Variants in NGLY1 observed in about 807,000 individuals in gnomAD.
NGLY1 encodes the protein N-glycanase 1.
Under a neutral mutation model 84.6 loss-of-function variants are expected in NGLY1, and 68 were observed. The observed-to-expected ratio is 0.80, with a 90% CI of 0.66 to 0.98. The LOEUF is 0.98. Ranked by LOEUF, NGLY1 falls within the 50% of genes least tolerant of loss-of-function variation. The probability of loss-of-function intolerance (pLI) is 0.00; values close to 1 mark genes in which losing one functional copy is unlikely to be tolerated. For synonymous variants in NGLY1, 280 were observed against 275.2 expected, an observed-to-expected ratio of 1.02 and a Z score of -0.17; for missense variants, 779 against 770.2, an observed-to-expected ratio of 1.01 and a Z score of -0.14.
In NGLY1 at chr3:25,750,029, C is replaced by T. The variant is rs1259532768; in HGVS notation, c.658+1069G>A. On this transcript the variant is annotated intron_variant, in intron 4 of 11. Transcript: ENST00000280700. ...GTTCTTATGCTGCTATGATGAAATA[C>T]CTGCAACTGGGTAATTTATAAAGAA... 4 of 503,078 alleles carry T rather than the reference C, an allele frequency of 8.0e-6. No homozygotes were observed. The East Asian group carries it at 1.6e-4, about 20-fold the overall frequency. The allele number at this position is 503,078 out of a possible 1,614,324, so 31.2% of individuals were successfully genotyped here.
chr3:25,764,939 AAAAG>A (rs1352059563), intron 2 of NGLY1, among the ~76,000 whole-genome samples: 1 of 152,226 alleles, frequency 6.6e-6, no homozygotes, highest in Non-Finnish European at 1.5e-5. Flanking sequence ...CGAACAAAAC[AAAAG>A]AAATAAAAAT....
chr3:25,754,992 C>T (rs913514431), intron 3 of NGLY1: 9 of 823,998 alleles, frequency 1.1e-5, no homozygotes, highest in East Asian at 2.4e-5. Flanking sequence ...GCACAGATCT[C>T]GAAGGATATG....
At chr3:25,748,883 T>C (rs1249394961) in intron 4 of NGLY1, among the ~76,000 whole-genome samples, 1 of 151,880 alleles carries the variant, frequency 6.6e-6, no homozygotes, top group Non-Finnish European at 1.5e-5. Context: ...ATGATTAAAC[T>C]GCAAATGCGT....
chr3:25,720,071 T>A lies in NGLY1; in HGVS notation c.1732A>T (p.Thr578Ser). Residue 578 changes from threonine (T) to serine (S), a missense_variant, in exon 11 of 12, where the codon ACT (threonine) becomes TCT (serine). Coordinates refer to ENST00000280700, the MANE Select transcript of NGLY1 (RefSeq NM_018297.4). ...CGCAATTTCCATTCTACTGTTCCAG[T>A]CTGAAAAGTTTGACTACTTGTTCTA... ...SIRTSSQTFQ[T>S]GTVEWKLRSD... The A allele has an allele frequency of 3.7e-6, 6 of 1,613,934 alleles. No homozygotes were observed. The highest frequency in any genetic ancestry group is 5.1e-6 in the Non-Finnish European group (6 of 1,179,876).
chr3:25,751,173 A>G lies in NGLY1; in HGVS notation c.583T>C (p.Leu195=), dbSNP rs1706727963. 1 of 1,613,714 alleles carries G rather than the reference A, an allele frequency of 6.2e-7. No homozygotes were observed. Among genetic ancestry groups the G allele is most frequent in the African/African-American group, 1.3e-5 (1 of 74,910 alleles). Reference sequence around the variant, plus strand: ...AGTTCTTGGACCGGAATACAAGCCAACGCTTTCTCCTGAAGAGCAGGATTT... The same window carrying G: ...AGTTCTTGGACCGGAATACAAGCCAGCGCTTTCTCCTGAAGAGCAGGATTT... ...YENPALQEKA[L]ACIPVQELKR... Residue 195 remains leucine, a synonymous_variant, in exon 4 of 12, where the codon TTG becomes CTG. Coordinates refer to ENST00000280700, the MANE Select transcript of NGLY1 (RefSeq NM_018297.4).
intron 3 of NGLY1, among the ~76,000 whole-genome samples, chr3:25,756,909 T>C (rs1038475067): frequency 6.6e-6 from 1 of 152,232 alleles, no homozygotes; most frequent in Admixed American, 6.5e-5. Context: ...CTTTCCCAGT[T>C]TTCCTCTTAT....
chr3:25,773,942 G>A (rs564542774), intron 2 of NGLY1, among the ~76,000 whole-genome samples: 9 of 152,218 alleles, frequency 5.9e-5, no homozygotes, highest in South Asian at 2.1e-4. Context: ...ATTAGAGAGT[G>A]TCTGCAAAGA....
At chr3:25,787,552 G>A (rs1277445671), upstream of NGLY1, among the ~76,000 whole-genome samples, 1 of 152,156 alleles carries the variant, frequency 6.6e-6, no homozygotes, top group African/African-American at 2.4e-5. Context: ...GAACCAGGCT[G>A]GTAAGTTAAA....
intron 3 of NGLY1, among the ~76,000 whole-genome samples, chr3:25,756,389 C>T (rs181223319): frequency 2.6e-5 from 4 of 152,246 alleles, no homozygotes; most frequent in Non-Finnish European, 4.4e-5. Flanking sequence ...TCACTTTAAC[C>T]TGATGGCTTG....
At chr3:25,726,031 T>C (rs1705238306) in intron 10 of NGLY1, among the ~76,000 whole-genome samples, 1 of 152,186 alleles carries the variant, frequency 6.6e-6, no homozygotes, top group African/African-American at 2.4e-5. Context: ...ATTTGCTGAG[T>C]GCTGAATGAA....
At chr3:25,724,266 T>G (rs1398124732) in intron 10 of NGLY1, among the ~76,000 whole-genome samples, 2 of 152,192 alleles carry the variant, frequency 1.3e-5, no homozygotes, top group East Asian at 3.9e-4. Flanking sequence ...CTGCTAAGAT[T>G]CACTCAAGTT....
rs1450475613 is a variant in NGLY1 at position 25,751,164 on chromosome 3, T to A, written c.592A>T (p.Ile198Phe). 9 of 1,613,728 alleles carry A rather than the reference T, an allele frequency of 5.6e-6. No individual in the cohort carries two copies. The highest frequency in any genetic ancestry group is 7.6e-6 in the Non-Finnish European group (9 of 1,179,890). The stretch of plus-strand genomic sequence containing the variant: ...TTCCTTTTTAGTTCTTGGACCGGAA[T>A]ACAAGCCAACGCTTTCTCCTGAAGA... ...PALQEKALAC[I>F]PVQELKRKSQ... The change falls in exon 4 of 12, where the codon ATT becomes TTT. Residue 198 changes from isoleucine (I) to phenylalanine (F), a missense_variant. Ile to Phe is a conservative substitution (Grantham distance 21). Coordinates refer to ENST00000280700, the MANE Select transcript of NGLY1 (RefSeq NM_018297.4).
At chr3:25,747,968 A>C (rs1706524741) in intron 4 of NGLY1, among the ~76,000 whole-genome samples, 1 of 152,196 alleles carries the variant, frequency 6.6e-6, no homozygotes, top group Non-Finnish European at 1.5e-5. Flanking sequence ...AGAACCAAGA[A>C]AAATCCTTTG....
At chr3:25,765,253 G>A (rs1248181192) in intron 2 of NGLY1, among the ~76,000 whole-genome samples, 2 of 151,656 alleles carry the variant, frequency 1.3e-5, no homozygotes, top group African/African-American at 2.4e-5. Flanking sequence ...TGAGGTCAGG[G>A]GTTCGAGACC....
intron 2 of NGLY1, among the ~76,000 whole-genome samples, chr3:25,766,563 T>C (rs1384844596): frequency 6.6e-6 from 1 of 152,212 alleles, no homozygotes; most frequent in Admixed American, 6.5e-5. Context: ...TTTGTACAAC[T>C]GTAATGATTA....
intron 10 of NGLY1, among the ~76,000 whole-genome samples, chr3:25,720,925 C>T (rs1704954775): frequency 1.3e-5 from 2 of 151,422 alleles, no homozygotes; most frequent in South Asian, 2.1e-4. Flanking sequence ...GTCGTTCATC[C>T]CTTACGTCTG....
chr3:25,739,441 C>T (rs1706012115), intron 5 of NGLY1, 136 bp downstream of exon 5: 3 of 815,658 alleles, frequency 3.7e-6, no homozygotes, highest in South Asian at 3.8e-5. Flanking sequence ...TTTAGCCTGC[C>T]AGCCACGGTT....
intron 2 of NGLY1, among the ~76,000 whole-genome samples, chr3:25,775,237 T>G (rs775187003): frequency 1.3e-5 from 2 of 152,252 alleles, no homozygotes; most frequent in Non-Finnish European, 2.9e-5. Context: ...GATGTGAGTT[T>G]CCAGGCACTG....
At chr3:25,771,401 G>A (rs1323811768) in intron 2 of NGLY1, among the ~76,000 whole-genome samples, 1 of 152,094 alleles carries the variant, frequency 6.6e-6, no homozygotes, top group East Asian at 1.9e-4. Flanking sequence ...TGGTTTATGT[G>A]CCTATTTTTA....
Sources: allele counts gnomAD v4.1 joint callset (sites outside exome capture counted in the v4.1 genomes callset), GRCh38; gene constraint gnomAD v4.1.1; transcripts MANE v1.5; gene names NCBI Gene and HGNC (gene_info 2026-07-23, HGNC 2026-07-21).